RNF167: variants seen among roughly 807,000 people sequenced by gnomAD.
RNF167 encodes the protein ring finger protein 167.
In RNF167, 19 loss-of-function variants were observed where a neutral mutation model predicts 34.8. The ratio of observed to expected loss-of-function variants is 0.55; its 90% CI spans 0.38 to 0.80. RNF167 has a LOEUF of 0.80. Ranked by LOEUF, RNF167 falls within the 30% of genes least tolerant of loss-of-function variation. The pLI is 0.00. For synonymous variants in RNF167, 200 were observed against 170.4 expected, an observed-to-expected ratio of 1.17 and a Z score of -1.35; for missense variants, 464 against 447.0, an observed-to-expected ratio of 1.04 and a Z score of -0.34.
At position 4,943,200 on chromosome 17, in the gene RNF167, A is replaced by G. The variant is rs746256287; in HGVS notation, c.492A>G (p.Pro164=). 4 of 1,613,920 alleles carry G rather than the reference A, an allele frequency of 2.5e-6. No homozygotes were observed. In the African/African-American group the frequency reaches 4.0e-5, roughly 16 times the overall value. The change falls in exon 7 of 10, where the codon CCA becomes CCG. Residue 164 remains proline (P), a synonymous_variant. Transcript: ENST00000262482. ...CCAGGGCTCGGGTGCTTCTGGTTCC[A>G]GACAATACCTTCCCCTTGGGCTATT... ...YEKGARVLLV[P]DNTFPLGYYL... is the part of the protein sequence containing the mutation.
At chr17:4,944,433 GCCTA>G in intron 8 of RNF167, 121 bp from the exon 9 acceptor site, 8 of 1,461,708 alleles carry the variant, frequency 5.5e-6, no homozygotes, top group Non-Finnish European at 7.2e-6. Flanking sequence ...ACCTTATCCT[GCCTA>G]CCTGTCTTAT....
chr17:4,945,078 C>A lies in RNF167; in HGVS notation c.*62C>A, dbSNP rs1971284055. 4 of 1,360,914 alleles carry A rather than the reference C, an allele frequency of 2.9e-6. No homozygotes were observed. The highest frequency in any genetic ancestry group is 1.4e-5 in the South Asian group (1 of 69,970). 84.3% of individuals were successfully genotyped at this position (1,360,914 alleles called of 1,614,324 possible). On this transcript the variant is annotated 3_prime_UTR_variant, in exon 10 of 10. Transcript: ENST00000262482. ...CACAGACCGTCGTCTTCCCTCCAGT[C>A]TTCTGAGGGATAGGGGACATTCCAT...
At position 4,945,131 on chromosome 17, in the gene RNF167, T is replaced by G; in HGVS notation, c.*115T>G. On this transcript the variant is annotated 3_prime_UTR_variant, in exon 10 of 10. Transcript: ENST00000262482. ...CAAGCTTCTCCCTTACCCACACCTATCCTTTTGAGGGGCTTTGGGGTGGAG... is the reference window on the plus strand; with the variant it reads ...CAAGCTTCTCCCTTACCCACACCTAGCCTTTTGAGGGGCTTTGGGGTGGAG... The G allele has an allele frequency of 3.7e-5, 35 of 934,484 alleles. No homozygotes were observed. Among genetic ancestry groups the G allele is most frequent in the Non-Finnish European group, 5.3e-5 (34 of 643,806 alleles). The allele number at this position is 934,484 out of a possible 1,614,324, so 57.9% of individuals were successfully genotyped here.
chr17:4,943,147 C>T (rs773216536), intron 6 of RNF167, 32 bp from the exon 7 acceptor site: 9 of 1,587,888 alleles, frequency 5.7e-6, no homozygotes, highest in South Asian at 1.1e-5. Context: ...TTGCCTTTCT[C>T]GCCCTGCTGA....
At position 4,940,674 on chromosome 17, in the gene RNF167, C is replaced by A. The variant is rs759924080; in HGVS notation, c.-236C>A. The A allele has an allele frequency of 1.1e-4, 45 of 420,618 alleles. No individual in the cohort carries two copies. Among genetic ancestry groups the A allele is most frequent in the Admixed American group, 2.1e-4 (5 of 24,360 alleles). 26.1% of individuals were successfully genotyped at this position (420,618 alleles called of 1,614,324 possible). A position where few individuals can be genotyped will look rare whatever the true frequency, so the allele number is the denominator to read the frequency against. Reference sequence around the variant, plus strand: ...CTCCGTCCCCTTTCCGCGTTTTATCCCCGTACCAGAAAAGGATACATTTAG... The same window carrying A: ...CTCCGTCCCCTTTCCGCGTTTTATCACCGTACCAGAAAAGGATACATTTAG... On this transcript the variant is annotated 5_prime_UTR_variant, in exon 2 of 10. Coordinates refer to ENST00000262482, the MANE Select transcript of RNF167 (RefSeq NM_015528.3).
At position 4,940,768 on chromosome 17, in the gene RNF167, G is replaced by T; in HGVS notation, c.-142G>T. The T allele has an allele frequency of 3.1e-6, 2 of 639,508 alleles. No homozygotes were observed. Among genetic ancestry groups the T allele is most frequent in the Admixed American group, 3.3e-5 (1 of 30,008 alleles). The allele number at this position is 639,508 out of a possible 1,614,324, so 39.6% of individuals were successfully genotyped here. A position where few individuals can be genotyped will look rare whatever the true frequency, so the allele number is the denominator to read the frequency against. On this transcript the variant is annotated 5_prime_UTR_variant, in exon 2 of 10. Transcript: ENST00000262482. Reference sequence around the variant, plus strand: ...TTTGAGTTGGTGTTCCTTCCCCGGCGCCCCCATGTAGCTGGGAAGTGGGAC... The same window carrying T: ...TTTGAGTTGGTGTTCCTTCCCCGGCTCCCCCATGTAGCTGGGAAGTGGGAC...
intron 7 of RNF167, 70 bp from the exon 8 acceptor site, chr17:4,943,356 T>G (rs1971025946): frequency 1.3e-6 from 2 of 1,587,710 alleles, no homozygotes; most frequent in Non-Finnish European, 1.7e-6. Context: ...AGTTGGGAGA[T>G]GGGAGTGGCT....
intron 8 of RNF167, 114 bp downstream of exon 8, chr17:4,943,633 C>G: frequency 1.2e-6 from 1 of 864,722 alleles, no homozygotes; most frequent in South Asian, 1.5e-5. Context: ...CAGTGGCTCA[C>G]GTAATCCCAA....
In RNF167 at chr17:4,942,332, A is replaced by G. The variant is rs1970896607; in HGVS notation, c.166-9A>G. 1.9e-6 allele frequency: 3 copies of G among 1,613,266 alleles called. No individual in the cohort carries two copies. Among genetic ancestry groups the G allele is most frequent in the Non-Finnish European group, 2.5e-6 (3 of 1,179,930 alleles). ...AGAAATCTCACTGTTGTTTGCTTCCATCCTTCAGGGGTTCCTTGTGGAGGC... is the reference window on the plus strand; with the variant it reads ...AGAAATCTCACTGTTGTTTGCTTCCGTCCTTCAGGGGTTCCTTGTGGAGGC... On this transcript the variant is annotated splice_polypyrimidine_tract_variant and intron_variant, in intron 3 of 9. Coordinates refer to ENST00000262482, the MANE Select transcript of RNF167 (RefSeq NM_015528.3).
intron 2 of RNF167, 36 bp downstream of exon 2, chr17:4,941,029 A>G (rs1238406871): frequency 6.2e-7 from 1 of 1,613,844 alleles, no homozygotes; most frequent in African/African-American, 1.3e-5. Flanking sequence ...AGGGCGCTGA[A>G]AGGAAGGGTT....
Position 4,944,916 on chromosome 17 carries a change from C to T in RNF167, c.953C>T (p.Pro318Leu). ...TPLLGSSPTL[P>L]TSFGSLAPAP... ...CTTTTGGGTTCTAGCCCCACTCTTC[C>T]CACCTCCTTTGGTTCCTTAGCCCCA... is the stretch of plus-strand genomic sequence containing the variant. Residue 318 changes from proline to leucine, a missense_variant, in exon 10 of 10, where the codon CCC becomes CTC. Pro to Leu is a moderately conservative substitution (Grantham distance 98). Transcript: ENST00000262482. The T allele has an allele frequency of 1.2e-6, 2 of 1,613,724 alleles. No individual in the cohort carries two copies. Among genetic ancestry groups the T allele is most frequent in the Non-Finnish European group, 1.7e-6 (2 of 1,179,814 alleles).
intron 8 of RNF167, chr17:4,944,342 C>T: frequency 2.5e-6 from 3 of 1,195,788 alleles, no homozygotes; most frequent in Non-Finnish European, 3.2e-6. Flanking sequence ...CTCACACCTC[C>T]CCAAAAACCC....
intron 6 of RNF167, 103 bp from the exon 7 acceptor site, chr17:4,943,076 C>A: frequency 7.7e-7 from 1 of 1,292,128 alleles, no homozygotes; most frequent in Non-Finnish European, 1.1e-6. Flanking sequence ...TCTTCCCATT[C>A]CTGTCCCCAC....
chr17:4,942,017 C>G (rs1970858825), intron 3 of RNF167, among the ~76,000 whole-genome samples: 1 of 152,068 alleles, frequency 6.6e-6, no homozygotes, highest in Non-Finnish European at 1.5e-5. Flanking sequence ...GAGAAAGTGA[C>G]ATGGGTGGTT....
chr17:4,941,469 A>G (rs1433447124), intron 3 of RNF167, among the ~76,000 whole-genome samples: 1 of 152,192 alleles, frequency 6.6e-6, no homozygotes, highest in Non-Finnish European at 1.5e-5. Context: ...TATTGCTTAT[A>G]TGACTTTGGG....
chr17:4,944,202 G>A (rs1245918859), intron 8 of RNF167, among the ~76,000 whole-genome samples: 4 of 152,222 alleles, frequency 2.6e-5, no homozygotes, highest in Admixed American at 2.6e-4. Flanking sequence ...GGAATGGGGA[G>A]GATTCAGTTA....
rs1485325412 is a variant in RNF167 at position 4,942,600 on chromosome 17, A to T, written c.315A>T (p.Gly105=). The change falls in exon 5 of 10, where the codon GGA becomes GGT. Residue 105 remains glycine (G), a synonymous_variant. Coordinates refer to ENST00000262482, the MANE Select transcript of RNF167 (RefSeq NM_015528.3). ...AGGTCCTAAATGCCCAGAAGGCTGG[A>T]TATGGTGCCGCTGTAGTACACAATG... ...DLKVLNAQKA[G]YGAAVVHNVN... 6.2e-7 allele frequency: 1 copy of T among 1,614,114 alleles called. No homozygotes were observed. Among genetic ancestry groups the T allele is most frequent in the South Asian group, 1.1e-5 (1 of 91,078 alleles).
At chr17:4,941,870 TC>T (rs1350631142) in intron 3 of RNF167, among the ~76,000 whole-genome samples, 1 of 151,830 alleles carries the variant, frequency 6.6e-6, no homozygotes, top group Non-Finnish European at 1.5e-5. Context: ...TGAGCCGAGA[TC>T]GCGCCACTGC....
At chr17:4,941,586 T>C (rs238248) in intron 3 of RNF167, among the ~76,000 whole-genome samples, 120,645 of 152,134 alleles carry the variant, frequency 0.79, 48,350 homozygotes, top group Middle Eastern at 0.83. Flanking sequence ...TTTGGTAGTA[T>C]TTCATCCCAA....
Sources: allele counts gnomAD v4.1 joint callset (sites outside exome capture counted in the v4.1 genomes callset), GRCh38; gene constraint gnomAD v4.1.1; transcripts MANE v1.5; gene names NCBI Gene and HGNC (gene_info 2026-07-23, HGNC 2026-07-21).